The following TBC1D12 variants were observed in gnomAD, a reference collection of about 807,000 sequenced individuals.
The protein encoded by TBC1D12 is TBC1 domain family, member 12.
Under a neutral mutation model 86.7 loss-of-function variants are expected in TBC1D12, and 56 were observed. That is an observed-to-expected ratio of 0.65 (90% CI 0.52 to 0.81). The LOEUF (loss-of-function observed/expected upper bound fraction) is 0.81, where lower values mean the gene tolerates loss of function less well. Among genes scored for constraint, TBC1D12 ranks in the 30% least tolerant of loss-of-function variants. The pLI, the probability that TBC1D12 is intolerant of heterozygous loss-of-function variation, is 0.00. For synonymous variants in TBC1D12, 421 were observed against 411.7 expected (o/e 1.02, Z -0.27); for missense variants, 1,023 against 1,038.8 (o/e 0.98, Z 0.21).
chr10:94,487,168 C>G (rs1051103716), intron 3 of TBC1D12, among the ~76,000 whole-genome samples: 1 of 150,734 alleles, frequency 6.6e-6, no homozygotes, highest in African/African-American at 2.4e-5. Context: ...ATATCTTTTT[C>G]TCTACCTTTC....
chr10:94,507,151 G>T (rs918955621), intron 6 of TBC1D12, 116 bp from the exon 7 acceptor site: 4 of 951,698 alleles, frequency 4.2e-6, no homozygotes, highest in South Asian at 3.2e-5. Context: ...CCACTTTTTT[G>T]ATGCTTGCTA....
At chr10:94,481,243 G>C (rs975436716) in intron 3 of TBC1D12, among the ~76,000 whole-genome samples, 1 of 151,972 alleles carries the variant, frequency 6.6e-6, no homozygotes, top group African/African-American at 2.4e-5. Flanking sequence ...TAGTTACATT[G>C]GCCCCTAAGA....
chr10:94,425,997 G>T (rs578107147), intron 1 of TBC1D12, among the ~76,000 whole-genome samples: 33 of 152,172 alleles, frequency 2.2e-4, no homozygotes, highest in African/African-American at 7.9e-4. Flanking sequence ...AAATATGATT[G>T]ATTTTTGTGT....
intron 11 of TBC1D12, among the ~76,000 whole-genome samples, chr10:94,526,581 C>T (rs1842295176): frequency 1.3e-5 from 2 of 152,038 alleles, no homozygotes; most frequent in Non-Finnish European, 2.9e-5. Context: ...TTTTTTGTGG[C>T]TTAGTAGCAT....
intron 2 of TBC1D12, among the ~76,000 whole-genome samples, chr10:94,474,368 GT>G: frequency 6.6e-6 from 1 of 150,734 alleles, no homozygotes; most frequent in East Asian, 1.9e-4. Flanking sequence ...TTTATGTTTT[GT>G]TTTTAGTAGA....
At chr10:94,426,708 C>T (rs1236323449) in intron 1 of TBC1D12, among the ~76,000 whole-genome samples, 2 of 152,108 alleles carry the variant, frequency 1.3e-5, no homozygotes, top group Non-Finnish European at 2.9e-5. Context: ...TCCCGAGTAG[C>T]TGGGATTACA....
chr10:94,465,193 C>T (rs1207967804), intron 2 of TBC1D12, among the ~76,000 whole-genome samples: 2 of 151,916 alleles, frequency 1.3e-5, no homozygotes, highest in Non-Finnish European at 2.9e-5. Flanking sequence ...TGTATTTATG[C>T]ATGGTTTTAT....
At chr10:94,503,402 C>G (rs1020939376) in intron 6 of TBC1D12, among the ~76,000 whole-genome samples, 3 of 152,084 alleles carry the variant, frequency 2.0e-5, no homozygotes, top group African/African-American at 7.2e-5. Context: ...TAAGAATTTA[C>G]TCTGAGGAAA....
intron 2 of TBC1D12, among the ~76,000 whole-genome samples, chr10:94,460,408 T>C (rs1204214624): frequency 6.6e-6 from 1 of 152,192 alleles, no homozygotes; most frequent in Non-Finnish European, 1.5e-5. Context: ...TTTGCAATTT[T>C]TTTTCTCTTG....
At chr10:94,476,350 A>C (rs141083664) in intron 3 of TBC1D12, among the ~76,000 whole-genome samples, 3 of 152,168 alleles carry the variant, frequency 2.0e-5, no homozygotes, top group South Asian at 4.1e-4. Flanking sequence ...TGTGGTCCCA[A>C]TGCTCCTCTT....
At chr10:94,451,564 G>A (rs1320125534) in intron 2 of TBC1D12, among the ~76,000 whole-genome samples, 1 of 152,024 alleles carries the variant, frequency 6.6e-6, no homozygotes, top group Non-Finnish European at 1.5e-5. Flanking sequence ...ACAGTTTACT[G>A]TTCCCTGCTG....
At chr10:94,518,125 G>C (rs908021868) in intron 9 of TBC1D12, among the ~76,000 whole-genome samples, 1 of 151,964 alleles carries the variant, frequency 6.6e-6, no homozygotes, top group African/African-American at 2.4e-5. Context: ...CTGCACTCCA[G>C]CCTGCGTGAT....
intron 2 of TBC1D12, among the ~76,000 whole-genome samples, chr10:94,473,983 A>G (rs575938834): frequency 6.6e-6 from 1 of 152,276 alleles, no homozygotes; most frequent in South Asian, 2.1e-4. Flanking sequence ...GTGTTAGCAA[A>G]CTGTTGTTTA....
At position 94,484,091 on chromosome 10, in the gene TBC1D12, G is replaced by A. The variant is rs553484782; in HGVS notation, c.1212-9274G>A. The stretch of plus-strand genomic sequence containing the variant: ...CTTTGTCAAAAATGACAGATTATCA[G>A]TAGATATATGGATTTGTTTCTGGGT... On this transcript the variant is annotated intron_variant, in intron 3 of 12. Transcript: ENST00000225235. Among the ~76,000 whole-genome samples the A allele has an allele frequency of 7.2e-5, 11 of 152,206 alleles. No homozygotes were observed. The South Asian group carries it at 2.1e-3, about 29-fold the overall frequency.
rs1221043039 is a variant in TBC1D12, at chr10:94,535,469, A to G, written c.*2373A>G. 6.6e-6 allele frequency: 1 copy of G among 152,138 alleles called. No homozygotes were observed. The highest frequency in any genetic ancestry group is 1.5e-5 in the Non-Finnish European group (1 of 68,002). The allele number at this position is 152,138 out of a possible 1,614,324, so 9.4% of individuals were successfully genotyped here. A position where few individuals can be genotyped will look rare whatever the true frequency, so the allele number is the denominator to read the frequency against. ...GTGTAGTGACTGCCTCTTTAGGAGT[A>G]TGGGGCCCTAGGGTGTCCATATATT... On this transcript the variant is annotated 3_prime_UTR_variant, in exon 13 of 13. Transcript: ENST00000225235.
Position 94,523,043 on chromosome 10 carries a change from C to CAAA in TBC1D12, c.2000+608_2000+610dup, listed in dbSNP as rs35912130. On this transcript the variant is annotated intron_variant, in intron 11 of 12. Transcript: ENST00000225235. ...CTGGTGACAGATCGAGACTCCAGCT[C>CAAA]AAAAAAAAAAAAAAAAAAAAGAACT... 4.5e-3 allele frequency among the ~76,000 whole-genome samples: 289 copies of CAAA among 64,586 alleles called. 7 individuals are homozygous for CAAA. The highest frequency in any genetic ancestry group is 0.017 in the African/African-American group (258 of 15,632). The allele number at this position is 64,586 out of a possible 152,430, so 42.4% of individuals were successfully genotyped here.
intron 5 of TBC1D12, 130 bp downstream of exon 5, chr10:94,497,302 A>G (rs1279732515): frequency 2.5e-6 from 1 of 402,112 alleles, no homozygotes; most frequent in Non-Finnish European, 4.4e-6. Flanking sequence ...GGTTAGTTAC[A>G]TATGTATACA....
intron 2 of TBC1D12, among the ~76,000 whole-genome samples, chr10:94,469,412 A>AAG (rs1021942080): frequency 1.5e-5 from 2 of 136,256 alleles, no homozygotes; most frequent in Non-Finnish European, 3.3e-5. Context: ...CTGAAGACTC[A>AAG]AGAATACTGC....
intron 1 of TBC1D12, among the ~76,000 whole-genome samples, chr10:94,431,014 T>G (rs1442213088): frequency 6.6e-6 from 1 of 152,164 alleles, no homozygotes; most frequent in African/African-American, 2.4e-5. Flanking sequence ...ACATGGTATT[T>G]ATATAGTGTT....
Sources: allele counts gnomAD v4.1 joint callset (sites outside exome capture counted in the v4.1 genomes callset), GRCh38; gene constraint gnomAD v4.1.1; transcripts MANE v1.5; gene names NCBI Gene and HGNC (gene_info 2026-07-23, HGNC 2026-07-21).